Variants in EFR3A observed in about 807,000 individuals in gnomAD.
EFR3A encodes EFR3 homolog A, also known as protein EFR3 homolog A.
A neutral mutation model predicts 104.4 loss-of-function variants in EFR3A; 76 were observed. That is an observed-to-expected ratio of 0.73 (90% CI 0.60 to 0.88). EFR3A has a LOEUF of 0.88. Among genes scored for constraint, EFR3A ranks in the 40% least tolerant of loss-of-function variants. The pLI is 0.00. For missense variants in EFR3A, 985 were observed against 1,012.5 expected (o/e 0.97, Z 0.37); for synonymous variants, 330 against 330.0 (o/e 1.00, Z 0.00).
chr8:131,994,480 T>C (rs1184253899), intron 18 of EFR3A, among the ~76,000 whole-genome samples: 1 of 152,174 alleles, frequency 6.6e-6, no homozygotes, highest in Non-Finnish European at 1.5e-5. Context: ...TGCATTATAA[T>C]TTAATGTGTG....
At chr8:131,974,349 A>G (rs1366412645) in intron 10 of EFR3A, among the ~76,000 whole-genome samples, 1 of 152,220 alleles carries the variant, frequency 6.6e-6, no homozygotes, top group Non-Finnish European at 1.5e-5. Context: ...TGCTAACTCC[A>G]AACTTTTACT....
chr8:132,005,345 A>G (rs1311855434), intron 22 of EFR3A, among the ~76,000 whole-genome samples: 1 of 152,110 alleles, frequency 6.6e-6, no homozygotes, highest in Non-Finnish European at 1.5e-5. Flanking sequence ...TGTATCCTCC[A>G]TAAAAGAAAC....
At position 131,914,838 on chromosome 8, in the gene EFR3A, T is replaced by C. The variant is rs140110041; in HGVS notation, c.10+10516T>C. ...CTCCACCCTCAAGTGGGCCCCAGTG[T>C]CCATTGTTCCTTTCTTGGCGTCCAT... On this transcript the variant is annotated intron_variant, in intron 1 of 22. Transcript: ENST00000254624. Among the ~76,000 whole-genome samples, 721 of 152,228 alleles carry C rather than the reference T, an allele frequency of 4.7e-3. 6 individuals carry two copies. The highest frequency in any genetic ancestry group is 0.017 in the African/African-American group (690 of 41,540).
At chr8:131,979,869 G>A (rs1345221689) in intron 14 of EFR3A, among the ~76,000 whole-genome samples, 2 of 152,088 alleles carry the variant, frequency 1.3e-5, no homozygotes, top group African/African-American at 4.8e-5. Context: ...AGTTGGGCAG[G>A]ATCTCTGCCC....
chr8:131,935,691 C>T (rs986386082), intron 1 of EFR3A, among the ~76,000 whole-genome samples: 4 of 152,048 alleles, frequency 2.6e-5, no homozygotes, highest in Non-Finnish European at 5.9e-5. Context: ...TCTAAACATT[C>T]TTCATCTCCA....
At chr8:131,942,853 T>C (rs1279243952) in intron 2 of EFR3A, among the ~76,000 whole-genome samples, 1 of 151,904 alleles carries the variant, frequency 6.6e-6, no homozygotes, top group African/African-American at 2.4e-5. Context: ...ATGAGTTGAG[T>C]GAAAGAAGTC....
rs1001603534 is a variant in EFR3A, at chr8:132,001,802, C to T, written c.2201C>T (p.Ala734Val). Residue 734 changes from alanine (A) to valine (V), a missense_variant, in exon 20 of 23, where the codon GCA (alanine) becomes GTA (valine). Physicochemically the swap from Ala to Val is moderately conservative, Grantham distance 64 (BLOSUM62 0). Transcript: ENST00000254624. ...ATCACTTTTGAAGCATTGAAGAAAGCAATTGGTGAGATATTTTGCACTTGT... is the reference window on the plus strand; with the variant it reads ...ATCACTTTTGAAGCATTGAAGAAAGTAATTGGTGAGATATTTTGCACTTGT... The part of the protein sequence containing the change: ...EEITFEALKK[A>V]IDTSGMEEQE... The T allele has an allele frequency of 2.5e-6, 4 of 1,612,946 alleles. No homozygotes were observed. In the East Asian group the frequency reaches 8.9e-5, roughly 36 times the overall value.
chr8:131,959,619 G>A lies in EFR3A; in HGVS notation c.811G>A (p.Glu271Lys). 1 of 1,612,204 alleles carries A rather than the reference G, an allele frequency of 6.2e-7. No individual in the cohort carries two copies. Among genetic ancestry groups the A allele is most frequent in the Non-Finnish European group, 8.5e-7 (1 of 1,179,298 alleles). ...LDHHKLWDPN[E>K]FAVHCFKIIM... ...TCATCACAAACTGTGGGATCCCAAT[G>A]AATTTGCAGTTCACTGCTTTAAAAT... Residue 271 changes from glutamate to lysine, a missense_variant, in exon 8 of 23, where the codon GAA (glutamate) becomes AAA (lysine). Physicochemically the swap from Glu to Lys is moderately conservative, Grantham distance 56. Transcript: ENST00000254624.
At chr8:131,911,347 TATA>T (rs1274929638) in intron 1 of EFR3A, among the ~76,000 whole-genome samples, 5 of 152,198 alleles carry the variant, frequency 3.3e-5, no homozygotes, top group African/African-American at 1.2e-4. Flanking sequence ...TAAGGTATCA[TATA>T]ATATATAGAT....
At chr8:131,975,692 G>A (rs1820292793) in intron 10 of EFR3A, among the ~76,000 whole-genome samples, 1 of 151,970 alleles carries the variant, frequency 6.6e-6, no homozygotes, top group South Asian at 2.1e-4. Flanking sequence ...TTGGGATTAT[G>A]GGCATGAGCC....
intron 1 of EFR3A, among the ~76,000 whole-genome samples, chr8:131,934,212 A>G (rs544057098): frequency 6.6e-6 from 1 of 152,260 alleles, no homozygotes; most frequent in African/African-American, 2.4e-5. Flanking sequence ...AAGCTCTGGG[A>G]CACTAGAATA....
intron 17 of EFR3A, among the ~76,000 whole-genome samples, chr8:131,986,789 C>CAAA (rs10569128): frequency 2.9e-5 from 2 of 67,958 alleles, no homozygotes; most frequent in Non-Finnish European, 6.3e-5. Flanking sequence ...GACTCCATCT[C>CAAA]AAAAAAAAAA....
In EFR3A at chr8:131,961,170, G is replaced by A. The variant is rs981158208; in HGVS notation, c.855+1507G>A. Among the ~76,000 whole-genome samples the A allele has an allele frequency of 3.3e-5, 5 of 152,158 alleles. No individual in the cohort carries two copies. In the East Asian group the frequency reaches 9.6e-4, roughly 29 times the overall value. On this transcript the variant is annotated intron_variant, in intron 8 of 22. Transcript: ENST00000254624. ...TCAGAGCGCCTCTCCTCCTCCAAAG[G>A]AATGCAGCTCCTCACCAGCAATGGA...
intron 16 of EFR3A, among the ~76,000 whole-genome samples, chr8:131,985,880 A>G (rs1820847769): frequency 6.6e-6 from 1 of 152,238 alleles, no homozygotes; most frequent in Non-Finnish European, 1.5e-5. Flanking sequence ...GATTTCCAAA[A>G]TAGTGCATTT....
chr8:131,973,583 T>TA (rs1820181385), intron 10 of EFR3A, among the ~76,000 whole-genome samples: 2 of 151,938 alleles, frequency 1.3e-5, no homozygotes, highest in African/African-American at 2.4e-5. Context: ...AATCAAACTT[T>TA]TAAAAAAAAT....
chr8:131,952,575 A>T lies in EFR3A; in HGVS notation c.489-1243A>T, dbSNP rs547315829. Reference sequence around the variant, plus strand: ...CCACCTTGTGCTTGGCCTTCTCATCACCCAAGGTGTAGCAGCAGGTATGTA... The same window carrying T: ...CCACCTTGTGCTTGGCCTTCTCATCTCCCAAGGTGTAGCAGCAGGTATGTA... On this transcript the variant is annotated intron_variant, in intron 5 of 22. Coordinates refer to ENST00000254624, the MANE Select transcript of EFR3A (RefSeq NM_015137.6). Among the ~76,000 whole-genome samples the T allele has an allele frequency of 9.2e-5, 14 of 152,150 alleles. No homozygotes were observed. In the South Asian group the frequency reaches 1.5e-3, roughly 16 times the overall value.
At chr8:131,965,327 G>A (rs1819640090) in intron 8 of EFR3A, among the ~76,000 whole-genome samples, 1 of 152,026 alleles carries the variant, frequency 6.6e-6, no homozygotes, top group Non-Finnish European at 1.5e-5. Context: ...TCTGACGAAG[G>A]GCTAATATGC....
intron 1 of EFR3A, among the ~76,000 whole-genome samples, chr8:131,916,057 A>G (rs1340221344): frequency 6.6e-6 from 1 of 152,288 alleles, no homozygotes; most frequent in African/African-American, 2.4e-5. Flanking sequence ...TAGAGGGCCT[A>G]TGGTTTCTTT....
Position 132,011,375 on chromosome 8 carries a change from T to A in EFR3A, c.*480T>A, listed in dbSNP as rs1208535523. 1.0e-6 allele frequency: 1 copy of A among 986,068 alleles called. No homozygotes were observed. Among genetic ancestry groups the A allele is most frequent in the African/African-American group, 1.7e-5 (1 of 57,228 alleles). 61.1% of individuals were successfully genotyped at this position (986,068 alleles called of 1,614,324 possible). On this transcript the variant is annotated 3_prime_UTR_variant, in exon 23 of 23. Transcript: ENST00000254624. ...TGCAAAACTGTTCGGTGGCTTTTTG[T>A]CCCCATGCTTTAGATAAGCTGGGAT...
Sources: allele counts gnomAD v4.1 joint callset (sites outside exome capture counted in the v4.1 genomes callset), GRCh38; gene constraint gnomAD v4.1.1; transcripts MANE v1.5; gene names NCBI Gene and HGNC (gene_info 2026-07-23, HGNC 2026-07-21).